Variants in CEP112 observed in about 807,000 individuals in gnomAD.
CEP112 encodes centrosomal protein of 112 kDa.
A neutral mutation model predicts 153.0 loss-of-function variants in CEP112; 127 were observed. The observed-to-expected ratio is 0.83, with a 90% CI of 0.72 to 0.96. The LOEUF is 0.96. Ranked by LOEUF, CEP112 falls within the 40% of genes least tolerant of loss-of-function variation. CEP112 has a pLI of 0.00. For missense variants in CEP112, 1,089 were observed against 1,101.2 expected (o/e 0.99, Z 0.16); for synonymous variants, 358 against 374.4 (o/e 0.96, Z 0.51).
chr17:65,750,123 A>C (rs1455910862), intron 22 of CEP112, among the ~76,000 whole-genome samples: 1 of 152,200 alleles, frequency 6.6e-6, no homozygotes, highest in Middle Eastern at 3.2e-3. Flanking sequence ...TCTTATACTA[A>C]AACTACAACA....
chr17:66,068,224 C>T (rs562178868), intron 9 of CEP112, among the ~76,000 whole-genome samples: 1 of 152,170 alleles, frequency 6.6e-6, no homozygotes, highest in East Asian at 1.9e-4. Flanking sequence ...AAAGGAATAT[C>T]TACTTTTCTT....
At chr17:65,977,513 G>A (rs1160359307) in intron 17 of CEP112, among the ~76,000 whole-genome samples, 2 of 152,132 alleles carry the variant, frequency 1.3e-5, no homozygotes, top group Admixed American at 6.5e-5. Context: ...AAAATGATGC[G>A]GCTGCCTTTG....
At chr17:65,773,574 G>A (rs772726179) in intron 21 of CEP112, among the ~76,000 whole-genome samples, 7 of 152,078 alleles carry the variant, frequency 4.6e-5, no homozygotes, top group Non-Finnish European at 1.0e-4. Context: ...GTTTTTTTAA[G>A]TAAATAAATG....
intron 21 of CEP112, among the ~76,000 whole-genome samples, chr17:65,807,121 G>A (rs1386428340): frequency 6.6e-6 from 1 of 152,192 alleles, no homozygotes; most frequent in Non-Finnish European, 1.5e-5. Context: ...GGGAAGTGGA[G>A]TAAAAGTCAT....
At chr17:65,706,352 T>C (rs2048914182) in intron 23 of CEP112, among the ~76,000 whole-genome samples, 1 of 152,178 alleles carries the variant, frequency 6.6e-6, no homozygotes, top group Non-Finnish European at 1.5e-5. Flanking sequence ...CAGGACACCC[T>C]GGTGCAGTCC....
In CEP112 at chr17:66,029,170, C is replaced by G; in HGVS notation, c.1456G>C (p.Ala486Pro). Residue 486 changes from alanine to proline, a missense_variant, in exon 14 of 27, where the codon GCT (alanine) becomes CCT (proline). Ala to Pro is a conservative substitution (Grantham distance 27). Transcript: ENST00000535342. ...NMKLLQTKYD[A>P]DINLLKQEHA... Reference sequence around the variant, plus strand: ...TCTTGTTTTAGAAGGTTTATATCAGCATCATATTTGGTTTGTAACAGTTTC... The same window carrying G: ...TCTTGTTTTAGAAGGTTTATATCAGGATCATATTTGGTTTGTAACAGTTTC... 2 of 1,609,260 alleles carry G rather than the reference C, an allele frequency of 1.2e-6. No individual in the cohort carries two copies. The highest frequency in any genetic ancestry group is 1.7e-6 in the Non-Finnish European group (2 of 1,176,228).
At chr17:66,027,645 C>G in intron 15 of CEP112, 85 bp from the exon 16 acceptor site, 1 of 968,214 alleles carries the variant, frequency 1.0e-6, no homozygotes, top group Non-Finnish European at 1.4e-6. Flanking sequence ...ATCAATCAAT[C>G]TACTTAATGT....
At position 65,690,448 on chromosome 17, in the gene CEP112, A is replaced by AAAT. The variant is rs1175105899; in HGVS notation, c.2608-1231_2608-1230insATT. Among the ~76,000 whole-genome samples the AAAT allele has an allele frequency of 7.3e-5, 11 of 150,800 alleles. No homozygotes were observed. In the South Asian group the frequency reaches 2.1e-3, roughly 29 times the overall value. On this transcript the variant is annotated intron_variant, in intron 23 of 26. Transcript: ENST00000535342. ...CTCAAAAAAAAAAAAAAAAAAAAAA[A>AAAT]TCCTTGCATTCACATGCTTAGATTA...
chr17:65,648,670 T>C (rs191303124), intron 24 of CEP112, among the ~76,000 whole-genome samples: 3 of 152,176 alleles, frequency 2.0e-5, no homozygotes, highest in Admixed American at 1.3e-4. Flanking sequence ...AAAGTGACAT[T>C]GGAAAAAAGG....
chr17:65,743,164 C>T lies in CEP112; in HGVS notation c.2511G>A (p.Gln837=). ...GCCGCCTTTCTGCAGCAAGCTGCTGCTGGCTGTTCTCTTCTTTCAGAGAGG... is the reference window on the plus strand; with the variant it reads ...GCCGCCTTTCTGCAGCAAGCTGCTGTTGGCTGTTCTCTTCTTTCAGAGAGG... ...TISSLKEENS[Q]QQLAAERRLQ... Residue 837 remains glutamine, a synonymous_variant, in exon 23 of 27, where the codon CAG becomes CAA. Coordinates refer to ENST00000535342, the MANE Select transcript of CEP112 (RefSeq NM_001199165.4). 6.2e-7 allele frequency: 1 copy of T among 1,613,002 alleles called. No homozygotes were observed. Among genetic ancestry groups the T allele is most frequent in the Non-Finnish European group, 8.5e-7 (1 of 1,179,566 alleles).
intron 18 of CEP112, among the ~76,000 whole-genome samples, chr17:65,944,755 A>G (rs941664908): frequency 6.6e-6 from 1 of 151,806 alleles, no homozygotes; most frequent in Non-Finnish European, 1.5e-5. Flanking sequence ...TTGTCCAGAT[A>G]ATTTTTTAAT....
chr17:65,995,518 G>T (rs1163009137), intron 17 of CEP112, among the ~76,000 whole-genome samples: 1 of 152,086 alleles, frequency 6.6e-6, no homozygotes, highest in Non-Finnish European at 1.5e-5. Flanking sequence ...TCTCCAGTTA[G>T]AGCATCAAAA....
Position 66,175,030 on chromosome 17 carries a change from T to C in CEP112, c.470+14A>G. On this transcript the variant is annotated intron_variant, in intron 4 of 26. Coordinates refer to ENST00000535342, the MANE Select transcript of CEP112 (RefSeq NM_001199165.4). ...ATGATGAAACACATTCAAAATCCCA[T>C]TCTCTTTACATACCTGTAGACATCA... is the stretch of plus-strand genomic sequence containing the variant. 6.6e-7 allele frequency: 1 copy of C among 1,507,836 alleles called. No individual in the cohort carries two copies. The highest frequency in any genetic ancestry group is 1.4e-5 in the South Asian group (1 of 73,098). 93.4% of individuals were successfully genotyped at this position (1,507,836 alleles called of 1,614,324 possible).
At chr17:65,971,623 C>A (rs1265125949) in intron 17 of CEP112, among the ~76,000 whole-genome samples, 2 of 151,574 alleles carry the variant, frequency 1.3e-5, no homozygotes, top group Admixed American at 6.6e-5. Flanking sequence ...ATATGTATAT[C>A]CCATGCATAT....
chr17:65,702,976 T>G (rs1344847089), intron 23 of CEP112, among the ~76,000 whole-genome samples: 1 of 152,074 alleles, frequency 6.6e-6, no homozygotes, highest in Non-Finnish European at 1.5e-5. Context: ...CAAGGTGAGA[T>G]CTGGGTGGGG....
intron 24 of CEP112, among the ~76,000 whole-genome samples, chr17:65,682,227 C>T (rs545049162): frequency 3.1e-4 from 47 of 151,176 alleles, no homozygotes; most frequent in Middle Eastern, 3.5e-3. Context: ...CTCCTGATCT[C>T]GTAATCCACC....
chr17:65,929,088 T>C (rs980630201), intron 18 of CEP112, among the ~76,000 whole-genome samples: 1 of 152,214 alleles, frequency 6.6e-6, no homozygotes, highest in African/African-American at 2.4e-5. Context: ...TGGTGTTTCT[T>C]TGGGGGAAGA....
At chr17:65,662,401 A>G (rs1005978879) in intron 24 of CEP112, among the ~76,000 whole-genome samples, 1 of 152,180 alleles carries the variant, frequency 6.6e-6, no homozygotes, top group Non-Finnish European at 1.5e-5. Context: ...GATTATTTTC[A>G]CTAGTGTGCT....
At chr17:66,097,679 T>C (rs2068405164) in intron 6 of CEP112, among the ~76,000 whole-genome samples, 1 of 152,196 alleles carries the variant, frequency 6.6e-6, no homozygotes, top group Admixed American at 6.5e-5. Context: ...ATCTTCTCAG[T>C]TTTGTATCTC....
Sources: gnomAD v4.1 joint callset for allele counts (sites outside exome capture counted in the v4.1 genomes callset) on GRCh38, gnomAD v4.1.1 for gene constraint, MANE v1.5 for transcripts, NCBI Gene and HGNC (gene_info 2026-07-23, HGNC 2026-07-21) for gene names.